The following CSGALNACT1 variants were observed in gnomAD, a reference collection of about 807,000 sequenced individuals.
CSGALNACT1 encodes beta4GalNAcT-1.
CSGALNACT1 carries 52 observed loss-of-function variants against 51.0 expected under a neutral mutation model. That is an observed-to-expected ratio of 1.02 (90% CI 0.82 to 1.29). The LOEUF (loss-of-function observed/expected upper bound fraction) is 1.29. Among genes scored for constraint, CSGALNACT1 ranks in the 50% most tolerant of loss-of-function variants. The probability of loss-of-function intolerance (pLI) is 0.00; values close to 1 mark genes in which losing one functional copy is unlikely to be tolerated. For synonymous variants in CSGALNACT1, 341 were observed against 254.4 expected, an observed-to-expected ratio of 1.34 and a Z score of -3.24; for missense variants, 935 against 679.2, an observed-to-expected ratio of 1.38 and a Z score of -4.19.
chr8:19,504,471 C>A (rs1021901276), intron 4 of CSGALNACT1, among the ~76,000 whole-genome samples: 2 of 152,138 alleles, frequency 1.3e-5, no homozygotes, highest in Non-Finnish European at 2.9e-5. Flanking sequence ...GAACCAGTAA[C>A]AATAGATAAG....
chr8:19,656,839 G>A (rs544973280), intron 1 of CSGALNACT1, among the ~76,000 whole-genome samples: 58 of 152,130 alleles, frequency 3.8e-4, no homozygotes, highest in African/African-American at 1.3e-3. Context: ...AGGCCAAGGC[G>A]CGTGGATCAC....
chr8:19,565,976 T>C (rs923952914), intron 3 of CSGALNACT1, among the ~76,000 whole-genome samples: 3 of 152,214 alleles, frequency 2.0e-5, no homozygotes, highest in Admixed American at 2.0e-4. Context: ...TCTAGTTACC[T>C]TGAGTTACAT....
chr8:19,740,168 T>C (rs1313916291), intron 1 of CSGALNACT1, among the ~76,000 whole-genome samples: 1 of 152,188 alleles, frequency 6.6e-6, no homozygotes, highest in Non-Finnish European at 1.5e-5. Flanking sequence ...TGTTCCAGCC[T>C]GGCTCTCCAT....
At chr8:19,636,885 C>G (rs1183215750) in intron 1 of CSGALNACT1, among the ~76,000 whole-genome samples, 3 of 152,138 alleles carry the variant, frequency 2.0e-5, no homozygotes, top group Non-Finnish European at 4.4e-5. Flanking sequence ...GCTACATCAT[C>G]TATTTTCATT....
intron 4 of CSGALNACT1, among the ~76,000 whole-genome samples, chr8:19,488,336 C>T (rs1310301380): frequency 2.2e-5 from 3 of 133,594 alleles, no homozygotes; most frequent in Non-Finnish European, 3.2e-5. Flanking sequence ...AGCAACAGAG[C>T]GAGACTCCAT....
chr8:19,509,322 C>T (rs983031302), intron 3 of CSGALNACT1, among the ~76,000 whole-genome samples: 2 of 152,120 alleles, frequency 1.3e-5, no homozygotes, highest in South Asian at 2.1e-4. Context: ...AAACATCATT[C>T]TTAAAAGTGG....
chr8:19,429,474 G>A (rs1034742102), intron 6 of CSGALNACT1, among the ~76,000 whole-genome samples: 1 of 152,208 alleles, frequency 6.6e-6, no homozygotes, highest in Non-Finnish European at 1.5e-5. Flanking sequence ...ACTGGCACCT[G>A]GCCATTATTG....
chr8:19,655,763 A>C (rs143549666), intron 1 of CSGALNACT1, among the ~76,000 whole-genome samples: 2 of 152,038 alleles, frequency 1.3e-5, no homozygotes, highest in Admixed American at 6.5e-5. Flanking sequence ...AAAGTGAAAA[A>C]TTTTTTTCAC....
At chr8:19,464,222 A>T (rs6586834) in intron 4 of CSGALNACT1, among the ~76,000 whole-genome samples, 10 of 152,040 alleles carry the variant, frequency 6.6e-5, no homozygotes, top group Admixed American at 3.3e-4. Flanking sequence ...CATGGAGCCA[A>T]GGTCTCCCAG....
chr8:19,697,522 C>T (rs1054066165), intron 1 of CSGALNACT1, among the ~76,000 whole-genome samples: 28 of 152,168 alleles, frequency 1.8e-4, no homozygotes, highest in African/African-American at 4.8e-4. Context: ...ATCTCAGGGC[C>T]GGGCAGAGCT....
intron 3 of CSGALNACT1, among the ~76,000 whole-genome samples, chr8:19,562,637 G>T (rs1484283940): frequency 6.6e-6 from 1 of 152,052 alleles, no homozygotes; most frequent in East Asian, 1.9e-4. Context: ...GTAGGCAAAG[G>T]ACACAGACAC....
chr8:19,459,879 G>C (rs1258946027), intron 4 of CSGALNACT1, among the ~76,000 whole-genome samples: 3 of 152,172 alleles, frequency 2.0e-5, no homozygotes, highest in Non-Finnish European at 4.4e-5. Context: ...CGTGCAAACT[G>C]TGTCTCATCC....
At chr8:19,630,239 T>A (rs887172689) in intron 1 of CSGALNACT1, among the ~76,000 whole-genome samples, 1 of 126,248 alleles carries the variant, frequency 7.9e-6, no homozygotes, top group African/African-American at 3.0e-5. Flanking sequence ...TGTGTGTGTG[T>A]GTGTATGTGT....
At chr8:19,450,831 G>A (rs1485771207) in intron 5 of CSGALNACT1, among the ~76,000 whole-genome samples, 2 of 151,960 alleles carry the variant, frequency 1.3e-5, no homozygotes, top group Admixed American at 1.3e-4. Flanking sequence ...GATCACTGGA[G>A]CCCAGGAGTT....
At chr8:19,530,760 T>C (rs891900423) in intron 3 of CSGALNACT1, among the ~76,000 whole-genome samples, 1 of 152,182 alleles carries the variant, frequency 6.6e-6, no homozygotes, top group Non-Finnish European at 1.5e-5. Flanking sequence ...AAAAGTTGAT[T>C]GTCCATGAAG....
At chr8:19,678,402 G>A (rs2060352245) in intron 1 of CSGALNACT1, among the ~76,000 whole-genome samples, 1 of 152,222 alleles carries the variant, frequency 6.6e-6, no homozygotes, top group Non-Finnish European at 1.5e-5. Context: ...ATGATTCCAG[G>A]ATAAGTCACC....
chr8:19,683,535 C>A (rs1244798918), upstream of CSGALNACT1, among the ~76,000 whole-genome samples: 1 of 152,144 alleles, frequency 6.6e-6, no homozygotes, highest in Admixed American at 6.5e-5. Flanking sequence ...GCTATACAGT[C>A]CCTTTCGTAA....
At chr8:19,461,834 G>T (rs1027792426) in intron 4 of CSGALNACT1, among the ~76,000 whole-genome samples, 1 of 147,696 alleles carries the variant, frequency 6.8e-6, no homozygotes, top group African/African-American at 2.6e-5. Flanking sequence ...GCCATGGAGG[G>T]TGTATCTGCA....
At chr8:19,530,115 G>A (rs118137722) in intron 3 of CSGALNACT1, among the ~76,000 whole-genome samples, 16 of 152,002 alleles carry the variant, frequency 1.1e-4, no homozygotes, top group South Asian at 2.1e-4. Context: ...CCAGCTACTC[G>A]GGGGCTGAGG....
Sources: allele counts gnomAD v4.1 joint callset (sites outside exome capture counted in the v4.1 genomes callset), GRCh38; gene constraint gnomAD v4.1.1; transcripts MANE v1.5; gene names NCBI Gene and HGNC (gene_info 2026-07-23, HGNC 2026-07-21).